Variants in CDH18 observed in about 807,000 individuals in gnomAD.
CDH18 encodes the protein cadherin 18.
Under a neutral mutation model 67.9 loss-of-function variants are expected in CDH18, and 31 were observed. That is an observed-to-expected ratio of 0.46 (90% CI 0.34 to 0.62). The LOEUF is 0.62. Among genes scored for constraint, CDH18 ranks in the 20% least tolerant of loss-of-function variants. The pLI, the probability that CDH18 is intolerant of heterozygous loss-of-function variation, is 0.01. For missense variants in CDH18, 890 were observed against 975.5 expected, an observed-to-expected ratio of 0.91 and a Z score of 1.17; for synonymous variants, 362 against 347.2, an observed-to-expected ratio of 1.04 and a Z score of -0.48.
chr5:20,292,783 A>G (rs531742334), intron 1 of CDH18, among the ~76,000 whole-genome samples: 1 of 151,986 alleles, frequency 6.6e-6, no homozygotes, highest in East Asian at 1.9e-4. Flanking sequence ...TCTTCTTCCT[A>G]TATGTCTTCA....
At chr5:20,484,630 C>T (rs1025093454) in intron 1 of CDH18, among the ~76,000 whole-genome samples, 1 of 151,982 alleles carries the variant, frequency 6.6e-6, no homozygotes, top group Non-Finnish European at 1.5e-5. Flanking sequence ...TCATTTACAA[C>T]AACATGGATG....
intron 3 of CDH18, among the ~76,000 whole-genome samples, chr5:19,768,457 A>C (rs1198520904): frequency 6.6e-6 from 1 of 152,162 alleles, no homozygotes; most frequent in Non-Finnish European, 1.5e-5. Context: ...CAAAGAACAT[A>C]GATCTAACTT....
chr5:19,838,118 T>C (rs567942185), intron 3 of CDH18, among the ~76,000 whole-genome samples: 4 of 152,180 alleles, frequency 2.6e-5, no homozygotes, highest in Non-Finnish European at 5.9e-5. Context: ...TTCATTCTAT[T>C]GTGATTTTTT....
intron 11 of CDH18, among the ~76,000 whole-genome samples, chr5:19,489,139 C>T (rs1291968578): frequency 3.3e-5 from 5 of 151,984 alleles, no homozygotes; most frequent in Non-Finnish European, 5.9e-5. Context: ...AAATTATAAC[C>T]ATCTTAACTG....
chr5:20,340,643 C>G (rs1740177564), intron 1 of CDH18, among the ~76,000 whole-genome samples: 1 of 152,216 alleles, frequency 6.6e-6, no homozygotes, highest in South Asian at 2.1e-4. Flanking sequence ...GGGCTCAACT[C>G]CACAGCTCCA....
At chr5:19,803,502 A>G (rs77536592) in intron 3 of CDH18, among the ~76,000 whole-genome samples, 5,514 of 152,228 alleles carry the variant, frequency 0.036, 339 homozygotes, top group African/African-American at 0.13. Flanking sequence ...TGACTATCGT[A>G]ATAGTGCAGA....
At chr5:20,510,468 G>A (rs1754964979) in intron 1 of CDH18, among the ~76,000 whole-genome samples, 1 of 151,972 alleles carries the variant, frequency 6.6e-6, no homozygotes, top group Non-Finnish European at 1.5e-5. Context: ...AGGCTGAATA[G>A]TATTCCACTG....
At chr5:20,208,518 C>A (rs1740092209) in intron 2 of CDH18, among the ~76,000 whole-genome samples, 1 of 151,984 alleles carries the variant, frequency 6.6e-6, no homozygotes, top group African/African-American at 2.4e-5. Context: ...GGATTACCAT[C>A]TGCAAAACAC....
chr5:19,594,297 C>T (rs1745814680), intron 6 of CDH18, among the ~76,000 whole-genome samples: 2 of 151,816 alleles, frequency 1.3e-5, no homozygotes, highest in South Asian at 4.2e-4. Context: ...GATTACAGGC[C>T]CGCACCACCA....
At chr5:19,756,395 A>G (rs907386295) in intron 3 of CDH18, among the ~76,000 whole-genome samples, 1 of 152,154 alleles carries the variant, frequency 6.6e-6, no homozygotes. Context: ...TCTACTACCT[A>G]TTCTGTATTT....
At chr5:20,200,767 TATC>T (rs1255047043) in intron 2 of CDH18, among the ~76,000 whole-genome samples, 2 of 152,078 alleles carry the variant, frequency 1.3e-5, no homozygotes, top group Non-Finnish European at 2.9e-5. Flanking sequence ...TTTTGTGACA[TATC>T]ATGAAGTATT....
intron 2 of CDH18, among the ~76,000 whole-genome samples, chr5:19,862,432 C>T (rs1785007426): frequency 6.6e-6 from 1 of 152,138 alleles, no homozygotes; most frequent in Admixed American, 6.5e-5. Context: ...TCAAGTTGAG[C>T]AGCGGTCTTC....
chr5:20,202,129 C>CA, intron 2 of CDH18, among the ~76,000 whole-genome samples: 1 of 152,296 alleles, frequency 6.6e-6, no homozygotes, highest in East Asian at 1.9e-4. Context: ...CTGGTGATAG[C>CA]ATATGCTGAC....
chr5:19,658,600 C>T (rs376758058), intron 5 of CDH18, among the ~76,000 whole-genome samples: 17 of 151,744 alleles, frequency 1.1e-4, no homozygotes, highest in Non-Finnish European at 1.8e-4. Flanking sequence ...GTACCAAGCA[C>T]GAGTAAACTG....
intron 2 of CDH18, among the ~76,000 whole-genome samples, chr5:19,994,843 T>TAC (rs1158569828): frequency 1.3e-4 from 4 of 30,238 alleles, no homozygotes; most frequent in Non-Finnish European, 1.8e-4. Context: ...TATATATATA[T>TAC]ATATATATAT....
intron 1 of CDH18, among the ~76,000 whole-genome samples, chr5:20,298,012 T>A (rs1747672476): frequency 6.6e-6 from 1 of 152,090 alleles, no homozygotes; most frequent in Non-Finnish European, 1.5e-5. Flanking sequence ...ATACCCCCCA[T>A]TATTCTATTT....
intron 5 of CDH18, among the ~76,000 whole-genome samples, chr5:19,673,902 G>A (rs998840133): frequency 6.6e-6 from 1 of 151,954 alleles, no homozygotes. Context: ...TCAGACGAGG[G>A]TCCAAGCAGT....
At chr5:20,482,049 C>T (rs1752843713) in intron 1 of CDH18, among the ~76,000 whole-genome samples, 1 of 150,880 alleles carries the variant, frequency 6.6e-6, no homozygotes, top group Non-Finnish European at 1.5e-5. Context: ...AAGCCTTTAA[C>T]CAGAGTAAGA....
chr5:19,930,900 C>G (rs969119898), intron 2 of CDH18, among the ~76,000 whole-genome samples: 8 of 151,916 alleles, frequency 5.3e-5, no homozygotes, highest in Non-Finnish European at 1.0e-4. Context: ...AACAGAAACT[C>G]AGTTCGAAAC....
Sources: allele counts gnomAD v4.1 joint callset (sites outside exome capture counted in the v4.1 genomes callset), GRCh38; gene constraint gnomAD v4.1.1; transcripts MANE v1.5; gene names NCBI Gene and HGNC (gene_info 2026-07-23, HGNC 2026-07-21).